The following TRMT11 variants were observed in gnomAD, a reference collection of about 807,000 sequenced individuals.
The protein encoded by TRMT11 is tRNA methyltransferase 11.
TRMT11 carries 53 observed loss-of-function variants against 62.8 expected under a neutral mutation model. The ratio of observed to expected loss-of-function variants is 0.84; its 90% CI spans 0.68 to 1.06. The LOEUF is 1.06. Ranked by LOEUF, TRMT11 falls within the 50% of genes least tolerant of loss-of-function variation. The pLI is 0.00. For synonymous variants in TRMT11, 188 were observed against 190.3 expected (o/e 0.99, Z 0.10); for missense variants, 556 against 553.4 (o/e 1.00, Z -0.05).
At chr6:126,260,877 C>T in the TRMT11 span, among the ~76,000 whole-genome samples, 1 of 152,266 alleles carries the variant, frequency 6.6e-6, no homozygotes, top group East Asian at 1.9e-4. Context: ...TGACTTTCGA[C>T]AGTTTGATTA....
intron 17 of TRMT11, among the ~76,000 whole-genome samples, chr6:126,085,544 C>CGG (rs1777206940): frequency 6.6e-6 from 1 of 152,150 alleles, no homozygotes; most frequent in Non-Finnish European, 1.5e-5. Context: ...TCCTCCGGCC[C>CGG]TGATCGTGCC....
At chr6:126,117,881 A>T (rs1249425720) in intron 21 of TRMT11, among the ~76,000 whole-genome samples, 2 of 152,098 alleles carry the variant, frequency 1.3e-5, no homozygotes, top group African/African-American at 4.8e-5. Flanking sequence ...ACCTCTCTGA[A>T]CCTTAGTTTC....
At chr6:126,082,322 TG>T (rs1277809281) in intron 17 of TRMT11, among the ~76,000 whole-genome samples, 1 of 152,078 alleles carries the variant, frequency 6.6e-6, no homozygotes, top group African/African-American at 2.4e-5. Flanking sequence ...TGTAATATAC[TG>T]TATTATATTA....
rs1241672739 is a variant in TRMT11 at position 126,093,608 on chromosome 6, TATATATATATA to T, written c.*1438-19257_*1438-19247del. Among the ~76,000 whole-genome samples, 47 of 100,974 alleles carry T rather than the reference TATATATATATA, an allele frequency of 4.7e-4. 2 individuals carry two copies. Among genetic ancestry groups the T allele is most frequent in the African/African-American group, 2.0e-3 (38 of 18,762 alleles). The allele number at this position is 100,974 out of a possible 152,430, so 66.2% of individuals were successfully genotyped here. On this transcript the variant is annotated intron_variant and NMD_transcript_variant, in intron 17 of 22. Coordinates refer to the TRMT11 transcript ENST00000648977. ...ATGTATATATATATATATATATATA[TATATATATATA>T]TATATATATATATTTTCCCCCAGTC... is the stretch of plus-strand genomic sequence containing the variant.
intron 12 of TRMT11, among the ~76,000 whole-genome samples, chr6:126,033,193 C>G (rs924363661): frequency 6.6e-6 from 1 of 152,082 alleles, no homozygotes; most frequent in Non-Finnish European, 1.5e-5. Context: ...AAGAATCTTT[C>G]GTATGTTGGA....
chr6:126,209,720 C>T, the TRMT11 span, among the ~76,000 whole-genome samples: 1 of 151,980 alleles, frequency 6.6e-6, no homozygotes, highest in Non-Finnish European at 1.5e-5. Flanking sequence ...AGCGGCGAGA[C>T]TCCATCTCAA....
intron 12 of TRMT11, among the ~76,000 whole-genome samples, chr6:126,033,831 C>CACAT (rs1278244889): frequency 6.6e-6 from 1 of 152,120 alleles, no homozygotes; most frequent in African/African-American, 2.4e-5. Flanking sequence ...GGGTAGTGTA[C>CACAT]ACATGAAAGT....
intron 3 of TRMT11, among the ~76,000 whole-genome samples, chr6:125,997,509 C>T (rs569541013): frequency 7.9e-5 from 12 of 152,372 alleles, no homozygotes; most frequent in Non-Finnish European, 1.3e-4. Context: ...TGTGTCCATA[C>T]GTGCGCACGC....
chr6:126,259,143 A>G, the TRMT11 span, among the ~76,000 whole-genome samples: 1 of 152,202 alleles, frequency 6.6e-6, no homozygotes, highest in Non-Finnish European at 1.5e-5. Context: ...GTTCCTGTAA[A>G]GGACATGATC....
chr6:126,035,608 T>G (rs909583831), intron 12 of TRMT11, among the ~76,000 whole-genome samples: 3 of 152,106 alleles, frequency 2.0e-5, no homozygotes, highest in Non-Finnish European at 4.4e-5. Context: ...ATGTATGTCT[T>G]TGCCACCGTG....
At chr6:126,024,621 C>T (rs1278278105) in intron 12 of TRMT11, among the ~76,000 whole-genome samples, 1 of 152,176 alleles carries the variant, frequency 6.6e-6, no homozygotes, top group Non-Finnish European at 1.5e-5. Flanking sequence ...TCCTTAAAGG[C>T]CCTGTCTTCA....
At chr6:126,251,924 G>A in the TRMT11 span, among the ~76,000 whole-genome samples, 3 of 152,288 alleles carry the variant, frequency 2.0e-5, no homozygotes, top group South Asian at 6.2e-4. Flanking sequence ...AAGATTCAGA[G>A]AAATTCATCC....
At chr6:126,095,519 T>G (rs897543346) in intron 17 of TRMT11, among the ~76,000 whole-genome samples, 1 of 152,228 alleles carries the variant, frequency 6.6e-6, no homozygotes, top group Non-Finnish European at 1.5e-5. Flanking sequence ...CAGTATAACC[T>G]TCTGATACCA....
chr6:126,167,677 T>C (rs1347979764), intron 21 of TRMT11, among the ~76,000 whole-genome samples: 1 of 152,202 alleles, frequency 6.6e-6, no homozygotes, highest in African/African-American at 2.4e-5. Flanking sequence ...TGCTCTTATG[T>C]GTGTGTATAT....
chr6:126,212,187 T>G, the TRMT11 span, among the ~76,000 whole-genome samples: 1 of 152,226 alleles, frequency 6.6e-6, no homozygotes, highest in Non-Finnish European at 1.5e-5. Context: ...GACACTTAGC[T>G]TGTTTCCAAA....
At chr6:126,052,209 TAGTG>T (rs1776240179) in intron 16 of TRMT11, among the ~76,000 whole-genome samples, 1 of 152,304 alleles carries the variant, frequency 6.6e-6, no homozygotes, top group South Asian at 2.1e-4. Flanking sequence ...CCGTATAAGT[TAGTG>T]AGCTACATTG....
intron 7 of TRMT11, chr6:126,006,819 A>G (rs1188763417): frequency 6.6e-6 from 1 of 152,054 alleles, no homozygotes; most frequent in Non-Finnish European, 1.5e-5. Context: ...GTGCAGTCTA[A>G]CAGATTATTC....
intron 11 of TRMT11, 150 bp downstream of exon 11, chr6:126,013,251 G>C: frequency 2.7e-6 from 2 of 745,518 alleles, no homozygotes; most frequent in East Asian, 5.6e-5. Flanking sequence ...GTATAAAATA[G>C]TCTTTTTATT....
chr6:126,061,134 T>C (rs1248473310), intron 17 of TRMT11, among the ~76,000 whole-genome samples: 2 of 152,228 alleles, frequency 1.3e-5, no homozygotes, highest in East Asian at 3.8e-4. Context: ...ACTTGGCTAT[T>C]CAAAGTGTTG....
Sources: allele counts gnomAD v4.1 joint callset (sites outside exome capture counted in the v4.1 genomes callset), GRCh38; gene constraint gnomAD v4.1.1; transcripts MANE v1.5; gene names NCBI Gene and HGNC (gene_info 2026-07-23, HGNC 2026-07-21).